TRNT1: variants seen among roughly 807,000 people sequenced by gnomAD.
The protein encoded by TRNT1 is tRNA nucleotidyl transferase 1.
A neutral mutation model predicts 45.6 loss-of-function variants in TRNT1; 44 were observed. The observed-to-expected ratio is 0.97, with a 90% CI of 0.76 to 1.24. The LOEUF is 1.24. Among genes scored for constraint, TRNT1 ranks in the 50% most tolerant of loss-of-function variants. The pLI, the probability that TRNT1 is intolerant of heterozygous loss-of-function variation, is 0.00. For missense variants in TRNT1, 633 were observed against 504.4 expected (o/e 1.25, Z -2.44); for synonymous variants, 201 against 171.4 (o/e 1.17, Z -1.35).
At chr3:3,150,975 T>C, downstream of TRNT1, 1 of 1,614,092 alleles carries the variant, frequency 6.2e-7, no homozygotes, top group Non-Finnish European at 8.5e-7. Flanking sequence ...GACATGTCTT[T>C]TTTGGTGGCC....
intron 2 of TRNT1, among the ~76,000 whole-genome samples, chr3:3,135,863 G>A (rs1705296847): frequency 6.6e-6 from 1 of 152,164 alleles, no homozygotes; most frequent in African/African-American, 2.4e-5. Context: ...GCTGAGTGAG[G>A]AGTAGCATGC....
At chr3:3,133,990 G>C (rs555657849) in intron 2 of TRNT1, among the ~76,000 whole-genome samples, 5 of 152,254 alleles carry the variant, frequency 3.3e-5, no homozygotes, top group African/African-American at 1.2e-4. Flanking sequence ...ACACATTAAT[G>C]TATGGTCTTT....
At chr3:3,152,294 A>G (rs1706618087), downstream of TRNT1, among the ~76,000 whole-genome samples, 1 of 152,048 alleles carries the variant, frequency 6.6e-6, no homozygotes, top group African/African-American at 2.4e-5. Context: ...CTGGGAGTAC[A>G]GACCCCTGCC....
In TRNT1 at chr3:3,148,241, G is replaced by A; in HGVS notation, c.*87G>A. On this transcript the variant is annotated 3_prime_UTR_variant, in exon 8 of 8. Coordinates refer to ENST00000251607, the MANE Select transcript of TRNT1 (RefSeq NM_182916.3). ...TAATGAGGTTTTAGAGACTACACCA[G>A]AATAAAAGACAGTTTAGGGGACCTC... The A allele has an allele frequency of 6.9e-7, 1 of 1,452,518 alleles. No individual in the cohort carries two copies. Among genetic ancestry groups the A allele is most frequent in the Non-Finnish European group, 9.3e-7 (1 of 1,074,598 alleles). The allele number at this position is 1,452,518 out of a possible 1,614,324, so 90.0% of individuals were successfully genotyped here. A position where few individuals can be genotyped will look rare whatever the true frequency, so the allele number is the denominator to read the frequency against.
At chr3:3,139,735 C>G (rs116418022) in intron 3 of TRNT1, among the ~76,000 whole-genome samples, 1 of 152,090 alleles carries the variant, frequency 6.6e-6, no homozygotes, top group South Asian at 2.1e-4. Context: ...TAATTTCTTT[C>G]TTTCTCTTTT....
At position 3,126,998 on chromosome 3, in the gene TRNT1, G is replaced by C; in HGVS notation, c.-28+8G>C. 6.5e-6 allele frequency: 1 copy of C among 152,822 alleles called. No homozygotes were observed. The highest frequency in any genetic ancestry group is 2.4e-5 in the African/African-American group (1 of 41,482). The allele number at this position is 152,822 out of a possible 1,614,324, so 9.5% of individuals were successfully genotyped here. Reference sequence around the variant, plus strand: ...GCGGCAACAGCGGGGCCGGTAAGCGGGCGCGCGCCGCTCAGAGGGGCAGAG... The same window carrying C: ...GCGGCAACAGCGGGGCCGGTAAGCGCGCGCGCGCCGCTCAGAGGGGCAGAG... On this transcript the variant is annotated splice_region_variant and intron_variant, in intron 1 of 7. Coordinates refer to ENST00000251607, the MANE Select transcript of TRNT1 (RefSeq NM_182916.3).
Position 3,147,614 on chromosome 3 carries a change from G to A in TRNT1, c.967G>A (p.Gly323Ser). ...GATCGCAAAAGAGGAGAAAAACCTT[G>A]GCTTATTTATAGTTAAAAATAGGAA... is the stretch of plus-strand genomic sequence containing the variant. ...LKIAKEEKNLGLFIVKNRKDL... is the reference protein window; with the variant it reads ...LKIAKEEKNLSLFIVKNRKDL... The change falls in exon 7 of 8, where the codon GGC (glycine) becomes AGC (serine). Residue 323 changes from glycine (G) to serine (S), a missense_variant. Coordinates refer to ENST00000251607, the MANE Select transcript of TRNT1 (RefSeq NM_182916.3). The A allele has an allele frequency of 1.2e-6, 2 of 1,613,782 alleles. No individual in the cohort carries two copies. The highest frequency in any genetic ancestry group is 2.2e-5 in the South Asian group (2 of 91,062).
At chr3:3,144,825 T>G in intron 5 of TRNT1, 115 bp downstream of exon 5, 1 of 1,091,736 alleles carries the variant, frequency 9.2e-7, no homozygotes. Context: ...CCCAAATGTC[T>G]GTCTCCAGTG....
Position 3,139,658 on chromosome 3 carries a change from A to T in TRNT1, c.343-852A>T, listed in dbSNP as rs79214901. ...GGCTTGGCACAGACGCCACCCTAACATGAAGTTACTCAGCTTCCCCAGCTG... is the reference window on the plus strand; with the variant it reads ...GGCTTGGCACAGACGCCACCCTAACTTGAAGTTACTCAGCTTCCCCAGCTG... On this transcript the variant is annotated intron_variant, in intron 3 of 7. Transcript: ENST00000251607. Among the ~76,000 whole-genome samples the T allele has an allele frequency of 9.0e-4, 137 of 152,304 alleles. 5 individuals are homozygous for T. In the East Asian group the frequency reaches 0.024, roughly 27 times the overall value.
chr3:3,152,429 A>G, downstream of TRNT1: 1 of 1,602,722 alleles, frequency 6.2e-7, no homozygotes, highest in South Asian at 1.1e-5. Flanking sequence ...AAAAGAAAAA[A>G]AAAAGCAACC....
intron 2 of TRNT1, among the ~76,000 whole-genome samples, chr3:3,132,738 A>AC (rs386395805): frequency 3.0e-5 from 4 of 133,558 alleles, no homozygotes; most frequent in Middle Eastern, 3.4e-3. Flanking sequence ...AAGGAAAAAA[A>AC]AAAAAACACA....
chr3:3,147,479 T>G lies in TRNT1; in HGVS notation c.832T>G (p.Phe278Val). The G allele has an allele frequency of 6.2e-7, 1 of 1,613,722 alleles. No individual in the cohort carries two copies. Among genetic ancestry groups the G allele is most frequent in the Non-Finnish European group, 8.5e-7 (1 of 1,179,710 alleles). The stretch of plus-strand genomic sequence containing the variant: ...ACCTGCTAATGCAAGTTTAGAAGAA[T>G]TTGACAAAGTCAGTAAAAATGTTGA... ...GLPANASLEE[F>V]DKVSKNVDGF... The change falls in exon 7 of 8, where the codon TTT becomes GTT. Residue 278 changes from phenylalanine (F) to valine (V), a missense_variant. Phe to Val is a conservative substitution (Grantham distance 50, BLOSUM62 -1). Transcript: ENST00000251607.
chr3:3,130,076 AATGTTGTCT>A (rs1275047934), intron 2 of TRNT1: 2 of 1,076,142 alleles, frequency 1.9e-6, no homozygotes, highest in African/African-American at 3.1e-5. Flanking sequence ...GTTGATTCTC[AATGTTGTCT>A]GCTGATGTTG....
chr3:3,129,419 G>A, intron 2 of TRNT1: 1 of 463,018 alleles, frequency 2.2e-6, no homozygotes, highest in Non-Finnish European at 3.9e-6. Context: ...GGTGCCCAAT[G>A]TGCACGTTTT....
At chr3:3,137,181 G>A in intron 2 of TRNT1, 79 bp from the exon 3 acceptor site, 2 of 1,191,396 alleles carry the variant, frequency 1.7e-6, no homozygotes, top group Non-Finnish European at 2.3e-6. Flanking sequence ...AGATGGAAAA[G>A]CCTTGTACTT....
rs757262356 is a variant in TRNT1 at position 3,140,606 on chromosome 3, G to C, written c.439G>C (p.Asp147His). ...EVEFTTDWQK[D>H]AERRDLTINS... ...AGAATTTACAACTGACTGGCAGAAAGATGCGGAACGCAGAGATCTCACTAT... is the reference window on the plus strand; with the variant it reads ...AGAATTTACAACTGACTGGCAGAAACATGCGGAACGCAGAGATCTCACTAT... Residue 147 changes from aspartate to histidine, a missense_variant, in exon 4 of 8, where the codon GAT (aspartate) becomes CAT (histidine). Coordinates refer to ENST00000251607, the MANE Select transcript of TRNT1 (RefSeq NM_182916.3). 1.2e-6 allele frequency: 2 copies of C among 1,614,182 alleles called. No homozygotes were observed. Among genetic ancestry groups the C allele is most frequent in the East Asian group, 2.2e-5 (1 of 44,864 alleles).
intron 4 of TRNT1, among the ~76,000 whole-genome samples, chr3:3,142,708 C>G (rs1253011049): frequency 6.6e-6 from 1 of 152,096 alleles, no homozygotes. Flanking sequence ...GATCATATTC[C>G]TATGATTTTT....
intron 1 of TRNT1, chr3:3,127,227 T>G (rs1704640699): frequency 6.6e-6 from 1 of 152,236 alleles, no homozygotes; most frequent in Non-Finnish European, 1.5e-5. Context: ...CACTTTCCCC[T>G]CCGCGCGGAC....
At chr3:3,136,335 A>G (rs956236521) in intron 2 of TRNT1, among the ~76,000 whole-genome samples, 1 of 152,154 alleles carries the variant, frequency 6.6e-6, no homozygotes, top group African/African-American at 2.4e-5. Context: ...GGATATAGTT[A>G]TAGTGGATTT....
Sources: allele counts gnomAD v4.1 joint callset (sites outside exome capture counted in the v4.1 genomes callset), GRCh38; gene constraint gnomAD v4.1.1; transcripts MANE v1.5; gene names NCBI Gene and HGNC (gene_info 2026-07-23, HGNC 2026-07-21).